Variants in SLCO3A1 observed in about 807,000 individuals in gnomAD.
SLCO3A1 encodes the protein solute carrier organic anion transporter family member 3A1, also known as PGE1 transporter.
Under a neutral mutation model 63.1 loss-of-function variants are expected in SLCO3A1, and 27 were observed. The observed-to-expected ratio is 0.43, with a 90% CI of 0.32 to 0.59. The LOEUF is 0.59. Among genes scored for constraint, SLCO3A1 ranks in the 20% least tolerant of loss-of-function variants. The pLI is 0.09. For missense variants in SLCO3A1, 773 were observed against 945.8 expected (o/e 0.82, Z 2.40); for synonymous variants, 473 against 409.9 (o/e 1.15, Z -1.86).
chr15:92,163,713 TG>T lies in SLCO3A1; in HGVS notation c.*579del, dbSNP rs572747771. 1,901 of 985,420 alleles carry T rather than the reference TG, an allele frequency of 1.9e-3. 3 individuals carry two copies. The highest frequency in any genetic ancestry group is 2.1e-3 in the Non-Finnish European group (1,781 of 829,966). 61.0% of individuals were successfully genotyped at this position (985,420 alleles called of 1,614,324 possible). A position where few individuals can be genotyped will look rare whatever the true frequency, so the allele number is the denominator to read the frequency against. ...CTCTGACTTTCGCAATATGGGTCAC[TG>T]TGTAGACGACTCACCCAGTCTGCAT... On this transcript the variant is annotated 3_prime_UTR_variant, in exon 10 of 10. Transcript: ENST00000318445.
chr15:92,042,760 T>C (rs781289429), intron 2 of SLCO3A1, among the ~76,000 whole-genome samples: 31 of 152,102 alleles, frequency 2.0e-4, no homozygotes, highest in Admixed American at 5.9e-4. Context: ...TGTGAAAATA[T>C]AGGAGAGTGA....
chr15:91,856,577 G>A lies in SLCO3A1; in HGVS notation c.180+2489G>A, dbSNP rs1167932022. 6.6e-6 allele frequency among the ~76,000 whole-genome samples: 1 copy of A among 152,200 alleles called. No homozygotes were observed. The highest frequency in any genetic ancestry group is 1.5e-5 in the Non-Finnish European group (1 of 68,044). On this transcript the variant is annotated intron_variant, in intron 1 of 9. Coordinates refer to ENST00000318445, the MANE Select transcript of SLCO3A1 (RefSeq NM_013272.4). The surrounding 1 kb of genome is among the most constrained non-coding windows in gnomAD (Gnocchi z 4.9). ...AATGAAATATTGCAGGCTGTTTGCA[G>A]GAAAGGCACATTTCTTCCTTTTAAT...
intron 2 of SLCO3A1, among the ~76,000 whole-genome samples, chr15:92,043,108 T>C (rs935115402): frequency 6.6e-6 from 1 of 151,572 alleles, no homozygotes; most frequent in African/African-American, 2.4e-5. Flanking sequence ...GTTTGAGCTG[T>C]GATGTTAGTA....
At chr15:92,100,279 A>G (rs1299158261) in intron 3 of SLCO3A1, among the ~76,000 whole-genome samples, 4 of 152,080 alleles carry the variant, frequency 2.6e-5, no homozygotes, top group Admixed American at 6.6e-5. Context: ...ATGAAATGGC[A>G]TCTGTTCTCA....
intron 2 of SLCO3A1, among the ~76,000 whole-genome samples, chr15:91,999,998 A>C (rs1257147085): frequency 1.3e-5 from 2 of 152,346 alleles, no homozygotes; most frequent in Middle Eastern, 3.4e-3. Context: ...AAAGTATTTG[A>C]TATGTATAAG....
intron 2 of SLCO3A1, among the ~76,000 whole-genome samples, chr15:91,940,239 T>C (rs191771094): frequency 7.2e-5 from 11 of 152,268 alleles, no homozygotes; most frequent in African/African-American, 2.6e-4. Flanking sequence ...GTCCTGTCTG[T>C]TTCTGGTGCC....
chr15:91,903,883 T>G (rs1898224651), intron 1 of SLCO3A1, among the ~76,000 whole-genome samples: 1 of 152,180 alleles, frequency 6.6e-6, no homozygotes, highest in South Asian at 2.1e-4. Flanking sequence ...AGGTGATTGT[T>G]GAATTGAAGT....
chr15:91,938,471 T>C (rs867496649), intron 2 of SLCO3A1, among the ~76,000 whole-genome samples: 57 of 139,018 alleles, frequency 4.1e-4, no homozygotes, highest in Middle Eastern at 3.7e-3. Context: ...CTCTAAACAT[T>C]GGTTTTTTTT....
chr15:92,151,030 T>C lies in SLCO3A1; in HGVS notation c.1753+16T>C. The C allele has an allele frequency of 6.4e-7, 1 of 1,572,528 alleles. No individual in the cohort carries two copies. Among genetic ancestry groups the C allele is most frequent in the African/African-American group, 1.3e-5 (1 of 74,084 alleles). On this transcript the variant is annotated intron_variant, in intron 9 of 9. Transcript: ENST00000318445. ...CGTTTGTTGGGTATGTATTATCTCT[T>C]TATTTCCTCAATAATGAATTGGATG... is the stretch of plus-strand genomic sequence containing the variant.
intron 5 of SLCO3A1, among the ~76,000 whole-genome samples, chr15:92,121,868 T>A (rs1047469394): frequency 6.6e-6 from 1 of 152,124 alleles, no homozygotes; most frequent in Admixed American, 6.5e-5. Flanking sequence ...GGCCCAAATG[T>A]CTCTGTTGGC....
chr15:92,048,679 A>T (rs1215353816), intron 2 of SLCO3A1, among the ~76,000 whole-genome samples: 3 of 152,154 alleles, frequency 2.0e-5, no homozygotes. Context: ...TGTGCGGATC[A>T]CCAGAGGTCA....
chr15:92,033,939 G>C lies in SLCO3A1; in HGVS notation c.647-60942G>C, dbSNP rs564336317. ...TGATGAGCTGGGAGCAGGCGCATGG[G>C]TGGGACCCAGTGAGGGAGGGGGAGG... On this transcript the variant is annotated intron_variant, in intron 2 of 9. Transcript: ENST00000318445. The surrounding 1 kb of genome is among the most constrained non-coding windows in gnomAD (Gnocchi z 4.5). Among the ~76,000 whole-genome samples the C allele has an allele frequency of 3.9e-4, 59 of 152,028 alleles. No individual in the cohort carries two copies. Among genetic ancestry groups the C allele is most frequent in the African/African-American group, 1.4e-3 (58 of 41,492 alleles).
In SLCO3A1 at chr15:91,854,338, G is replaced by C. The variant is rs560565074; in HGVS notation, c.180+250G>C. ...CGCGCGTCCGGCTGGGGCAGGGGGT[G>C]CCGGGGGAGGAGAGGCGGCGGGCAG... On this transcript the variant is annotated intron_variant, in intron 1 of 9. Coordinates refer to ENST00000318445, the MANE Select transcript of SLCO3A1 (RefSeq NM_013272.4). This position sits in a 1 kb window ranked among gnomAD's most constrained non-coding sequence, Gnocchi z 6.4. 20 of 1,134,772 alleles carry C rather than the reference G, an allele frequency of 1.8e-5. No individual in the cohort carries two copies. In the African/African-American group the frequency reaches 2.8e-4, roughly 16 times the overall value. The allele number at this position is 1,134,772 out of a possible 1,614,324, so 70.3% of individuals were successfully genotyped here. A position where few individuals can be genotyped will look rare whatever the true frequency, so the allele number is the denominator to read the frequency against.
chr15:92,140,465 G>T (rs1425233485), intron 7 of SLCO3A1, among the ~76,000 whole-genome samples: 2 of 151,682 alleles, frequency 1.3e-5, no homozygotes, highest in Non-Finnish European at 2.9e-5. Context: ...TTGATTTGGG[G>T]TGGAGAGTTC....
downstream of SLCO3A1, among the ~76,000 whole-genome samples, chr15:92,167,508 C>T (rs534250741): frequency 1.3e-5 from 2 of 152,330 alleles, no homozygotes; most frequent in African/African-American, 2.4e-5. Flanking sequence ...CCTGCTCCGC[C>T]CGACTTATTC....
intron 1 of SLCO3A1, among the ~76,000 whole-genome samples, chr15:91,874,736 C>T (rs77462591): frequency 0.018 from 2,805 of 152,290 alleles, 69 homozygotes; most frequent in African/African-American, 0.064. Context: ...AATTTCCCCA[C>T]TTTTTCCCCA....
intron 2 of SLCO3A1, among the ~76,000 whole-genome samples, chr15:91,979,497 G>A (rs114108825): frequency 2.1e-4 from 32 of 152,128 alleles, no homozygotes; most frequent in African/African-American, 6.3e-4. Flanking sequence ...TAACCTTAGC[G>A]TGTTGTCTGG....
chr15:91,945,626 G>T (rs1899780490), intron 2 of SLCO3A1, among the ~76,000 whole-genome samples: 1 of 152,234 alleles, frequency 6.6e-6, no homozygotes, highest in Non-Finnish European at 1.5e-5. Context: ...GGGAGATGGA[G>T]AGTTGGAGAG....
chr15:92,142,101 G>T (rs1426243935), intron 7 of SLCO3A1, among the ~76,000 whole-genome samples: 1 of 152,184 alleles, frequency 6.6e-6, no homozygotes. Context: ...ATACAGATTT[G>T]CCTAGAACCT....
Sources: allele counts gnomAD v4.1 joint callset (sites outside exome capture counted in the v4.1 genomes callset), GRCh38; gene constraint gnomAD v4.1.1; non-coding constraint Gnocchi (gnomAD v3.1); transcripts MANE v1.5; gene names NCBI Gene and HGNC (gene_info 2026-07-23, HGNC 2026-07-21).